CFAP47: variants seen among roughly 807,000 people sequenced by gnomAD.
CFAP47 encodes the protein cilia and flagella associated protein 47, also known as cilia- and flagella-associated protein 47.
In CFAP47, 29 loss-of-function variants were observed where a neutral mutation model predicts 148.1. The ratio of observed to expected loss-of-function variants is 0.20; its 90% CI spans 0.15 to 0.27. The LOEUF (loss-of-function observed/expected upper bound fraction) is 0.27. CFAP47 is among the 10% of genes least tolerant of loss of function. The pLI, the probability that CFAP47 is intolerant of heterozygous loss-of-function variation, is 1.00. For synonymous variants in CFAP47, 664 were observed against 577.3 expected, an observed-to-expected ratio of 1.15 and a Z score of -2.15; for missense variants, 1,872 against 1,697.5, an observed-to-expected ratio of 1.10 and a Z score of -1.81.
intron 21 of CFAP47, 133 bp from the exon 22 acceptor site, chrX:36,014,641 A>C (rs1372789814): frequency 8.0e-6 from 2 of 249,130 alleles, no homozygotes; most frequent in Non-Finnish European, 1.4e-5. Flanking sequence ...TTTTTTAAAA[A>C]TGTAGTTCAA....
chrX:36,270,239 A>G (rs1556001636), intron 49 of CFAP47, among the ~76,000 whole-genome samples: 1 of 111,319 alleles, frequency 9.0e-6, no homozygotes, highest in Non-Finnish European at 1.9e-5. Context: ...AAATTGCCTG[A>G]TAGTTTCCCA....
In CFAP47 at chrX:36,144,023, G is replaced by A. The variant is rs1014537950; in HGVS notation, c.5536-1196G>A. Among the ~76,000 whole-genome samples the A allele has an allele frequency of 2.7e-5, 3 of 111,506 alleles. No individual in the cohort carries two copies. The Admixed American group carries it at 2.9e-4, about 11-fold the overall frequency. On this transcript the variant is annotated intron_variant, in intron 35 of 63. Transcript: ENST00000378653. ...TTTCTTATGCGTGACCCAAATGGTA[G>A]TTCTTTACTGAACAAACACTATGCT...
At chrX:36,231,375 T>C (rs1555992616) in intron 46 of CFAP47, among the ~76,000 whole-genome samples, 1 of 106,805 alleles carries the variant, frequency 9.4e-6, no homozygotes, top group Non-Finnish European at 1.9e-5. Flanking sequence ...TTTGAAGCAA[T>C]TGTGAATGGG....
chrX:35,951,756 T>C, intron 5 of CFAP47, 47 bp from the exon 6 acceptor site: 1 of 1,038,560 alleles, frequency 9.6e-7, no homozygotes, highest in Non-Finnish European at 1.2e-6. Flanking sequence ...CAAAAATTTT[T>C]TTGTGTTTTG....
At chrX:36,307,074 T>C (rs1941356511) in intron 55 of CFAP47, among the ~76,000 whole-genome samples, 198 bp downstream of exon 55, 1 of 111,416 alleles carries the variant, frequency 9.0e-6, no homozygotes, top group East Asian at 2.8e-4. Flanking sequence ...TTTAAATACA[T>C]AGATCAGTGG....
intron 61 of CFAP47, among the ~76,000 whole-genome samples, chrX:36,364,374 T>C (rs2146992557): frequency 9.2e-6 from 1 of 109,278 alleles, no homozygotes; most frequent in African/African-American, 3.3e-5. Context: ...GAGTGTATCA[T>C]CTAGTGAAAG....
intron 48 of CFAP47, among the ~76,000 whole-genome samples, chrX:36,245,203 C>T (rs926683464): frequency 1.6e-4 from 18 of 110,338 alleles, no homozygotes; most frequent in Non-Finnish European, 3.3e-4. Context: ...TCAAAAAATC[C>T]ATCTATGACA....
At chrX:35,953,871 C>T (rs1936205265) in intron 7 of CFAP47, 152 bp downstream of exon 7, 1 of 355,230 alleles carries the variant, frequency 2.8e-6, no homozygotes, top group African/African-American at 2.6e-5. Flanking sequence ...AAAGTGTCAT[C>T]TGTGGCATGT....
intron 39 of CFAP47, among the ~76,000 whole-genome samples, chrX:36,175,519 A>G (rs2146862922): frequency 9.0e-6 from 1 of 111,437 alleles, no homozygotes; most frequent in East Asian, 2.8e-4. Context: ...CTTCTAACAG[A>G]CCGGACCCTC....
intron 22 of CFAP47, among the ~76,000 whole-genome samples, chrX:36,027,138 A>ATGATTATATATATGATTATATATATG (rs1937228048): frequency 9.8e-6 from 1 of 102,148 alleles, no homozygotes; most frequent in Non-Finnish European, 2.0e-5. Context: ...TTATATATAT[A>ATGATTATATATATGATTATATATATG]TGATTATATA....
Position 36,150,430 on chromosome X carries a change from G to A in CFAP47, c.5786+1207G>A, listed in dbSNP as rs774666906. Among the ~76,000 whole-genome samples the A allele has an allele frequency of 1.8e-4, 20 of 112,027 alleles. 1 individual carries two copies. In the South Asian group the frequency reaches 2.6e-3, roughly 14 times the overall value. ...GTTGACAAATTTGATAACTACTAAT[G>A]AACTTTAACTAGTCTTGAATTTTAG... is the stretch of plus-strand genomic sequence containing the variant. On this transcript the variant is annotated intron_variant, in intron 37 of 63. Transcript: ENST00000378653.
intron 49 of CFAP47, among the ~76,000 whole-genome samples, chrX:36,255,848 T>G (rs1196777728): frequency 2.7e-5 from 3 of 111,437 alleles, no homozygotes; most frequent in Non-Finnish European, 5.6e-5. Flanking sequence ...CCTAGTTCTA[T>G]CTCGACTTCA....
At chrX:36,305,487 A>C (rs1305321377) in intron 54 of CFAP47, among the ~76,000 whole-genome samples, 3 of 111,569 alleles carry the variant, frequency 2.7e-5, no homozygotes, top group Non-Finnish European at 5.7e-5. Flanking sequence ...ATTTCCAACC[A>C]TGGCTTTCTA....
At chrX:36,019,600 A>G (rs1044650933) in intron 22 of CFAP47, among the ~76,000 whole-genome samples, 3 of 111,719 alleles carry the variant, frequency 2.7e-5, no homozygotes, top group Non-Finnish European at 5.6e-5. Flanking sequence ...CGCTATTACT[A>G]TAACTATCTT....
chrX:35,987,558 A>G lies in CFAP47; in HGVS notation c.2714-1761A>G, dbSNP rs143193185. Among the ~76,000 whole-genome samples, 656 of 111,603 alleles carry G rather than the reference A, an allele frequency of 5.9e-3. 7 individuals are homozygous for G. The highest frequency in any genetic ancestry group is 0.02 in the African/African-American group (628 of 30,720). On this transcript the variant is annotated intron_variant, in intron 15 of 63. Coordinates refer to ENST00000378653, the MANE Select transcript of CFAP47 (RefSeq NM_001304548.2). Reference sequence around the variant, plus strand: ...AGCTTGCTGGGCTCTGTGGGGGTGGAATCTGCTGAGTGAGACCACTTGGCT... The same window carrying G: ...AGCTTGCTGGGCTCTGTGGGGGTGGGATCTGCTGAGTGAGACCACTTGGCT...
At chrX:35,965,154 TCTAGA>T (rs1936385025) in intron 8 of CFAP47, among the ~76,000 whole-genome samples, 1 of 111,656 alleles carries the variant, frequency 9.0e-6, no homozygotes, top group African/African-American at 3.2e-5. Context: ...TTAGTGATTC[TCTAGA>T]CTAATTCTGT....
At chrX:36,057,596 A>G (rs1430539108) in intron 26 of CFAP47, among the ~76,000 whole-genome samples, 7 of 111,928 alleles carry the variant, frequency 6.3e-5, no homozygotes, top group South Asian at 3.7e-4. Flanking sequence ...CTAAAAATAT[A>G]GACCTTGCAG....
chrX:36,371,874 GTATA>G (rs782555800), intron 62 of CFAP47, among the ~76,000 whole-genome samples: 1 of 83,558 alleles, frequency 1.2e-5, no homozygotes, highest in Admixed American at 1.2e-4. Context: ...ACACACATGT[GTATA>G]TATGTGTGCA....
intron 30 of CFAP47, among the ~76,000 whole-genome samples, chrX:36,092,981 A>G (rs1401370840): frequency 3.6e-5 from 4 of 110,555 alleles, no homozygotes; most frequent in African/African-American, 1.3e-4. Context: ...TGATTTTTAG[A>G]TCCCACAAAT....
Sources: allele counts gnomAD v4.1 joint callset (sites outside exome capture counted in the v4.1 genomes callset), GRCh38; gene constraint gnomAD v4.1.1; transcripts MANE v1.5; gene names NCBI Gene and HGNC (gene_info 2026-07-23, HGNC 2026-07-21).